CLVS1: variants seen among roughly 807,000 people sequenced by gnomAD.
The protein encoded by CLVS1 is clavesin-1.
In CLVS1, 10 loss-of-function variants were observed where a neutral mutation model predicts 33.1. The ratio of observed to expected loss-of-function variants is 0.30; its 90% CI spans 0.19 to 0.51. The LOEUF is 0.51. Ranked by LOEUF, CLVS1 falls within the 20% of genes least tolerant of loss-of-function variation. The pLI, the probability that CLVS1 is intolerant of heterozygous loss-of-function variation, is 0.97. For synonymous variants in CLVS1, 163 were observed against 166.1 expected, an observed-to-expected ratio of 0.98 and a Z score of 0.14; for missense variants, 343 against 433.4, an observed-to-expected ratio of 0.79 and a Z score of 1.85.
the CLVS1 span, among the ~76,000 whole-genome samples, chr8:61,038,713 G>A: frequency 6.6e-5 from 10 of 152,104 alleles, no homozygotes; most frequent in African/African-American, 1.9e-4. Flanking sequence ...GGTCCTCATT[G>A]TGAACGTGCA....
intron 1 of CLVS1, among the ~76,000 whole-genome samples, chr8:61,123,889 A>G (rs1303268531): frequency 1.3e-5 from 2 of 152,342 alleles, no homozygotes; most frequent in East Asian, 1.9e-4. Flanking sequence ...GAGTTGGAGC[A>G]TGGCGAGGAG....
chr8:61,104,256 TACAAA>T (rs1250226806), intron 1 of CLVS1, among the ~76,000 whole-genome samples: 1 of 152,210 alleles, frequency 6.6e-6, no homozygotes, highest in Non-Finnish European at 1.5e-5. Context: ...ACCTGGTTCA[TACAAA>T]CAAGAAATCA....
intron 2 of CLVS1, among the ~76,000 whole-genome samples, chr8:61,274,765 A>G (rs1809531334): frequency 6.6e-6 from 1 of 152,140 alleles, no homozygotes; most frequent in South Asian, 2.1e-4. Flanking sequence ...GTTTAGATGG[A>G]GTTACTTGAA....
chr8:61,219,360 C>T (rs1420417766), intron 2 of CLVS1, among the ~76,000 whole-genome samples: 1 of 152,102 alleles, frequency 6.6e-6, no homozygotes, highest in Non-Finnish European at 1.5e-5. Context: ...CGTGAGTTCT[C>T]ATTGTTCAAC....
chr8:61,050,319 G>A, the CLVS1 span, among the ~76,000 whole-genome samples: 1 of 152,130 alleles, frequency 6.6e-6, no homozygotes, highest in Non-Finnish European at 1.5e-5. Flanking sequence ...CTTTCTGTCT[G>A]GGGGAGATGC....
At chr8:61,234,358 C>A (rs1338313333) in intron 2 of CLVS1, among the ~76,000 whole-genome samples, 1 of 152,190 alleles carries the variant, frequency 6.6e-6, no homozygotes, top group Non-Finnish European at 1.5e-5. Context: ...CCCCTTGATA[C>A]ATTTCTCATG....
the CLVS1 span, among the ~76,000 whole-genome samples, chr8:60,982,640 C>G: frequency 2.6e-5 from 4 of 152,264 alleles, no homozygotes; most frequent in Admixed American, 2.0e-4. Context: ...AATAAAGACC[C>G]TAGAAGCCTT....
At chr8:60,995,031 T>G in the CLVS1 span, among the ~76,000 whole-genome samples, 4 of 151,838 alleles carry the variant, frequency 2.6e-5, no homozygotes, top group Non-Finnish European at 4.4e-5. Flanking sequence ...ATTAAAGACT[T>G]AAACGTTAGA....
chr8:61,357,659 C>T (rs905488115), intron 2 of CLVS1, among the ~76,000 whole-genome samples: 5 of 151,464 alleles, frequency 3.3e-5, no homozygotes, highest in Admixed American at 1.3e-4. Flanking sequence ...GTGCCTGCCA[C>T]CATGTCTGGC....
intron 1 of CLVS1, among the ~76,000 whole-genome samples, chr8:61,099,338 G>T (rs1805407801): frequency 6.6e-6 from 1 of 152,174 alleles, no homozygotes; most frequent in Admixed American, 6.5e-5. Flanking sequence ...GGCTGGAGAG[G>T]TAGAGTAGCA....
chr8:61,440,174 C>T (rs1816487489), intron 3 of CLVS1, among the ~76,000 whole-genome samples: 1 of 152,184 alleles, frequency 6.6e-6, no homozygotes, highest in African/African-American at 2.4e-5. Context: ...TGCTGCACCT[C>T]CTGCATTTTA....
intron 2 of CLVS1, among the ~76,000 whole-genome samples, chr8:61,135,101 C>G (rs1277635897): frequency 6.6e-6 from 1 of 151,476 alleles, no homozygotes; most frequent in African/African-American, 2.4e-5. Context: ...GAAACAGGAA[C>G]AGTTCAAGGA....
chr8:61,253,959 G>A (rs1200188014), intron 2 of CLVS1, among the ~76,000 whole-genome samples: 3 of 152,232 alleles, frequency 2.0e-5, no homozygotes, highest in African/African-American at 7.2e-5. Flanking sequence ...TCCGTTGCTG[G>A]TGAGGAGCTG....
At chr8:61,481,308 A>T (rs1818185394) in intron 5 of CLVS1, among the ~76,000 whole-genome samples, 1 of 152,172 alleles carries the variant, frequency 6.6e-6, no homozygotes, top group Non-Finnish European at 1.5e-5. Flanking sequence ...GACGCAGAAG[A>T]TGGGTGATTT....
chr8:61,086,113 G>C (rs1471616386), intron 1 of CLVS1, among the ~76,000 whole-genome samples: 1 of 138,654 alleles, frequency 7.2e-6, no homozygotes, highest in East Asian at 2.1e-4. Flanking sequence ...TGTAATCCCA[G>C]CTACTCAGGA....
chr8:61,334,981 G>A lies in CLVS1; in HGVS notation c.455+34699G>A, dbSNP rs1421253319. 9.2e-5 allele frequency among the ~76,000 whole-genome samples: 14 copies of A among 152,302 alleles called. No individual in the cohort carries two copies. The South Asian group carries it at 2.9e-3, about 32-fold the overall frequency. On this transcript the variant is annotated intron_variant, in intron 2 of 5. Transcript: ENST00000325897. ...GGTTTTAAGGATAATTTGGTAGGTAGGGGGAAACCAGTGAGCCAGGAGTGC... is the reference window on the plus strand; with the variant it reads ...GGTTTTAAGGATAATTTGGTAGGTAAGGGGAAACCAGTGAGCCAGGAGTGC...
In CLVS1 at chr8:61,434,796, A is replaced by G. The variant is rs546953746; in HGVS notation, c.631-19345A>G. ...CACAGGTTGTAAACTGTTTCTTATC[A>G]TTGGACCTAAAAGGGTGCCTGGTTC... is the stretch of plus-strand genomic sequence containing the variant. On this transcript the variant is annotated intron_variant, in intron 3 of 5. Transcript: ENST00000325897. Among the ~76,000 whole-genome samples, 4 of 152,288 alleles carry G rather than the reference A, an allele frequency of 2.6e-5. No homozygotes were observed. The East Asian group carries it at 7.7e-4, about 29-fold the overall frequency.
At chr8:61,354,455 C>G (rs1812602536) in intron 2 of CLVS1, among the ~76,000 whole-genome samples, 3 of 152,092 alleles carry the variant, frequency 2.0e-5, no homozygotes, top group Admixed American at 1.3e-4. Flanking sequence ...GATTACCATA[C>G]AGACCAGAAA....
the CLVS1 span, among the ~76,000 whole-genome samples, chr8:61,032,827 T>C: frequency 2.0e-5 from 3 of 151,862 alleles, no homozygotes; most frequent in African/African-American, 7.3e-5. Flanking sequence ...TGAGCCCCCA[T>C]GGGAAAATCC....
Sources: gnomAD v4.1 joint callset for allele counts (sites outside exome capture counted in the v4.1 genomes callset) on GRCh38, gnomAD v4.1.1 for gene constraint, MANE v1.5 for transcripts, NCBI Gene and HGNC (gene_info 2026-07-23, HGNC 2026-07-21) for gene names.